SMURF1: variants seen among roughly 807,000 people sequenced by gnomAD.
The protein encoded by SMURF1 is SMAD specific E3 ubiquitin protein ligase 1.
In SMURF1, 44 loss-of-function variants were observed where a neutral mutation model predicts 98.0. That is an observed-to-expected ratio of 0.45 (90% confidence interval 0.35 to 0.58). The LOEUF is 0.58. Among genes scored for constraint, SMURF1 ranks in the 20% least tolerant of loss-of-function variants. The pLI is 0.00. For missense variants in SMURF1, 687 were observed against 938.4 expected, an observed-to-expected ratio of 0.73 and a Z score of 3.50; for synonymous variants, 396 against 374.9, an observed-to-expected ratio of 1.06 and a Z score of -0.65.
chr7:99,085,330 G>C (rs571015365), intron 1 of SMURF1, among the ~76,000 whole-genome samples: 4 of 146,220 alleles, frequency 2.7e-5, no homozygotes, highest in African/African-American at 1.0e-4. Context: ...TCCAGCCTGG[G>C]TGACAAGAGT....
intron 1 of SMURF1, 99 bp from the exon 2 acceptor site, chr7:99,061,936 G>A (rs1796043445): frequency 5.7e-6 from 5 of 872,362 alleles, no homozygotes; most frequent in Admixed American, 5.6e-5. Context: ...CTAAAAATTA[G>A]CTTTGCCGAA....
chr7:99,101,751 C>T (rs1797087553), intron 1 of SMURF1, among the ~76,000 whole-genome samples: 1 of 152,088 alleles, frequency 6.6e-6, no homozygotes. Context: ...ACCAGCCTGG[C>T]CACTGTAGTG....
intron 6 of SMURF1, among the ~76,000 whole-genome samples, chr7:99,053,222 TC>T (rs1369673661): frequency 6.6e-6 from 1 of 152,096 alleles, no homozygotes; most frequent in East Asian, 1.9e-4. Flanking sequence ...TAGGCTACTG[TC>T]CCTTAGAAGC....
chr7:99,119,852 C>T (rs1300925578), intron 1 of SMURF1, among the ~76,000 whole-genome samples: 1 of 152,212 alleles, frequency 6.6e-6, no homozygotes, highest in Non-Finnish European at 1.5e-5. Flanking sequence ...ACCCCATTTT[C>T]AACTCTTTTG....
Position 99,128,998 on chromosome 7 carries a change from CA to C in SMURF1, c.55+14727del, listed in dbSNP as rs374046281. 4.2e-4 allele frequency among the ~76,000 whole-genome samples: 64 copies of C among 152,166 alleles called. No individual in the cohort carries two copies. The East Asian group carries it at 0.012, about 29-fold the overall frequency. ...GCCAAATTCAATGTTAAGTTTAGAA[CA>C]AAAACAAAATTGAAAAGAAACTTTA... On this transcript the variant is annotated intron_variant, in intron 1 of 17. Transcript: ENST00000361368.
At chr7:99,137,814 C>T (rs538665191) in intron 1 of SMURF1, among the ~76,000 whole-genome samples, 1 of 152,256 alleles carries the variant, frequency 6.6e-6, no homozygotes, top group East Asian at 1.9e-4. Context: ...CCCATTAGTC[C>T]AGAAATGTGG....
chr7:99,097,726 C>G (rs987924371), intron 1 of SMURF1, among the ~76,000 whole-genome samples: 1 of 152,146 alleles, frequency 6.6e-6, no homozygotes, highest in African/African-American at 2.4e-5. Flanking sequence ...GCTTCGAAGA[C>G]AGTAATGCAC....
intron 11 of SMURF1, among the ~76,000 whole-genome samples, chr7:99,043,875 G>A (rs946947695): frequency 2.0e-5 from 3 of 152,150 alleles, no homozygotes; most frequent in African/African-American, 7.2e-5. Context: ...GCTATGGGAC[G>A]CCCAGGACAA....
At chr7:99,113,960 G>T (rs1287088573) in intron 1 of SMURF1, among the ~76,000 whole-genome samples, 2 of 150,458 alleles carry the variant, frequency 1.3e-5, no homozygotes, top group African/African-American at 4.9e-5. Context: ...TTTTTGGCTT[G>T]TAACTCTTCT....
At chr7:99,047,636 CTTAT>C (rs780345683) in intron 10 of SMURF1, 44 bp downstream of exon 10, 1 of 1,589,996 alleles carries the variant, frequency 6.3e-7, no homozygotes, top group Non-Finnish European at 8.6e-7. Context: ...TCTGAATTGC[CTTAT>C]TTGTTTCTGA....
intron 7 of SMURF1, among the ~76,000 whole-genome samples, chr7:99,051,900 GCACT>G (rs1795761338): frequency 1.3e-5 from 2 of 152,184 alleles, no homozygotes; most frequent in African/African-American, 4.8e-5. Context: ...TGTAATCCCA[GCACT>G]TGGGCGGCTG....
At chr7:99,135,082 A>C (rs1442879515) in intron 1 of SMURF1, among the ~76,000 whole-genome samples, 4 of 152,220 alleles carry the variant, frequency 2.6e-5, no homozygotes, top group South Asian at 2.1e-4. Context: ...TGTACTTTGA[A>C]ATGCTATAAT....
chr7:99,052,517 GTGTCCTAGGGGAC>G, intron 6 of SMURF1, 71 bp from the exon 7 acceptor site: 1 of 1,431,386 alleles, frequency 7.0e-7, no homozygotes. Context: ...CTTAGGGCTA[GTGTCCTAGGGGAC>G]ACCGTCACAT....
At chr7:99,086,356 A>AAAAG (rs889249633) in intron 1 of SMURF1, among the ~76,000 whole-genome samples, 2 of 151,886 alleles carry the variant, frequency 1.3e-5, no homozygotes, top group Admixed American at 6.6e-5. Context: ...AAAGGAAAAA[A>AAAAG]AAAGAAAGAA....
intron 1 of SMURF1, among the ~76,000 whole-genome samples, chr7:99,126,314 T>C (rs1398447332): frequency 1.3e-5 from 2 of 152,186 alleles, no homozygotes; most frequent in Non-Finnish European, 2.9e-5. Flanking sequence ...AAAGTACTTA[T>C]TTCTTCTTTA....
At chr7:99,076,952 T>C (rs1796476659) in intron 1 of SMURF1, among the ~76,000 whole-genome samples, 1 of 151,748 alleles carries the variant, frequency 6.6e-6, no homozygotes, top group Non-Finnish European at 1.5e-5. Flanking sequence ...TTGGCAATAA[T>C]TCCATAAGTC....
intron 1 of SMURF1, among the ~76,000 whole-genome samples, chr7:99,142,644 G>A (rs1478158525): frequency 7.7e-6 from 1 of 130,378 alleles, no homozygotes; most frequent in Non-Finnish European, 1.6e-5. Context: ...GTGTGGGGGG[G>A]TGAGGGAGAA....
rs1286261029 is a variant in SMURF1 at position 99,047,676 on chromosome 7, C to A, written c.1152+8G>T. Reference sequence around the variant, plus strand: ...ACAGGGTCTGGGCAGTGGCCCTGAACTCTCTACCTCAAAGATTTCTTCTCT... The same window carrying A: ...ACAGGGTCTGGGCAGTGGCCCTGAAATCTCTACCTCAAAGATTTCTTCTCT... On this transcript the variant is annotated splice_region_variant and intron_variant, in intron 10 of 17. Coordinates refer to ENST00000361368, the MANE Select transcript of SMURF1 (RefSeq NM_181349.3). The A allele has an allele frequency of 1.2e-6, 2 of 1,614,096 alleles. No homozygotes were observed. Among genetic ancestry groups the A allele is most frequent in the African/African-American group, 1.3e-5 (1 of 75,066 alleles).
At chr7:99,137,180 G>A (rs1010227507) in intron 1 of SMURF1, among the ~76,000 whole-genome samples, 3 of 151,822 alleles carry the variant, frequency 2.0e-5, no homozygotes, top group African/African-American at 7.3e-5. Flanking sequence ...TTATTTACCT[G>A]GCTATTTAGG....
Sources: allele counts gnomAD v4.1 joint callset (sites outside exome capture counted in the v4.1 genomes callset), GRCh38; gene constraint gnomAD v4.1.1; transcripts MANE v1.5; gene names NCBI Gene and HGNC (gene_info 2026-07-23, HGNC 2026-07-21).